Variants in RBPMS2 observed in about 807,000 individuals in gnomAD.
RBPMS2 encodes the protein RNA-binding protein with multiple splicing 2.
Under a neutral mutation model 25.7 loss-of-function variants are expected in RBPMS2, and 14 were observed. That is an observed-to-expected ratio of 0.55 (90% CI 0.36 to 0.85). The LOEUF (loss-of-function observed/expected upper bound fraction) is 0.85, where lower values mean the gene tolerates loss of function less well. Ranked by LOEUF, RBPMS2 falls within the 40% of genes least tolerant of loss-of-function variation. The pLI is 0.01. For missense variants in RBPMS2, 252 were observed against 283.4 expected, an observed-to-expected ratio of 0.89 and a Z score of 0.80; for synonymous variants, 127 against 115.6, an observed-to-expected ratio of 1.10 and a Z score of -0.63.
chr15:64,774,568 C>T (rs2083914380), intron 1 of RBPMS2, among the ~76,000 whole-genome samples: 2 of 152,100 alleles, frequency 1.3e-5, no homozygotes, highest in African/African-American at 2.4e-5. Flanking sequence ...GGGGTCCTGG[C>T]TTGGTTGCCA....
At chr15:64,758,229 C>T (rs2083751851) in intron 1 of RBPMS2, among the ~76,000 whole-genome samples, 1 of 152,196 alleles carries the variant, frequency 6.6e-6, no homozygotes, top group South Asian at 2.1e-4. Flanking sequence ...TACTCTCATC[C>T]CTTCTGCAGA....
At chr15:64,745,412 T>C (rs2083609332) in intron 6 of RBPMS2, among the ~76,000 whole-genome samples, 1 of 152,170 alleles carries the variant, frequency 6.6e-6, no homozygotes, top group African/African-American at 2.4e-5. Flanking sequence ...ACAAAAACCC[T>C]ATGAAGTAGA....
intron 6 of RBPMS2, among the ~76,000 whole-genome samples, chr15:64,747,168 C>G (rs559151275): frequency 8.5e-5 from 13 of 152,142 alleles, no homozygotes; most frequent in Non-Finnish European, 1.6e-4. Context: ...CTCAGTACAA[C>G]TGAACGTTGC....
At chr15:64,741,332 A>G in intron 6 of RBPMS2, 90 bp from the exon 7 acceptor site, 1 of 1,006,030 alleles carries the variant, frequency 9.9e-7, no homozygotes, top group East Asian at 2.6e-5. Flanking sequence ...TCCCCGCTGG[A>G]GTCCTGGTTC....
chr15:64,749,045 T>A lies in RBPMS2; in HGVS notation c.373A>T (p.Asn125Tyr). Residue 125 changes from asparagine to tyrosine, a missense_variant, in exon 5 of 8, where the codon AAC becomes TAC. Physicochemically the swap from Asn to Tyr is moderately radical, Grantham distance 143 (BLOSUM62 -2). Transcript: ENST00000300069. ...TGTGCTCCTAGGGCGGGGTGCACGT[T>A]GCTGGGATTTGGAGTTGCCATTAGC... Reference protein sequence around the residue: ...SKLMATPNPSNVHPALGAHFI... With the variant: ...SKLMATPNPSYVHPALGAHFI... 1 of 1,614,202 alleles carries A rather than the reference T, an allele frequency of 6.2e-7. No homozygotes were observed. Among genetic ancestry groups the A allele is most frequent in the East Asian group, 2.2e-5 (1 of 44,884 alleles).
intron 4 of RBPMS2, 100 bp from the exon 5 acceptor site, chr15:64,749,250 A>G: frequency 6.9e-7 from 1 of 1,450,052 alleles, no homozygotes; most frequent in Non-Finnish European, 9.6e-7. Flanking sequence ...CTCGCCTCGA[A>G]GACCTGCCCA....
intron 1 of RBPMS2, chr15:64,762,317 G>A (rs2083796749): frequency 3.9e-6 from 2 of 516,116 alleles, no homozygotes; most frequent in Non-Finnish European, 7.9e-6. Context: ...ACAGCTGAGT[G>A]TGAGTGGCCT....
intron 1 of RBPMS2, among the ~76,000 whole-genome samples, chr15:64,757,675 T>C (rs1017018477): frequency 2.0e-5 from 3 of 152,148 alleles, no homozygotes; most frequent in Non-Finnish European, 4.4e-5. Flanking sequence ...TGCAGTTACT[T>C]CTCCAAGGTC....
chr15:64,766,604 C>A (rs1055943725), intron 1 of RBPMS2, among the ~76,000 whole-genome samples: 23 of 151,864 alleles, frequency 1.5e-4, no homozygotes, highest in African/African-American at 9.7e-5. Flanking sequence ...CAGCTCACTG[C>A]AAGCTCTGCC....
At chr15:64,748,814 C>T (rs539420356) in intron 5 of RBPMS2, among the ~76,000 whole-genome samples, 186 bp downstream of exon 5, 1 of 152,298 alleles carries the variant, frequency 6.6e-6, no homozygotes, top group Non-Finnish European at 1.5e-5. Context: ...TGCAGGGAAG[C>T]TGGAAGCCCT....
chr15:64,766,512 G>T (rs2083847439), intron 1 of RBPMS2, among the ~76,000 whole-genome samples: 1 of 151,376 alleles, frequency 6.6e-6, no homozygotes, highest in African/African-American at 2.4e-5. Flanking sequence ...GCTGCCCACA[G>T]TTCTGACTTA....
chr15:64,759,829 T>C (rs1208924108), intron 1 of RBPMS2, among the ~76,000 whole-genome samples: 5 of 152,150 alleles, frequency 3.3e-5, no homozygotes, highest in Non-Finnish European at 7.4e-5. Context: ...CGCGCCACCA[T>C]GCCCGGCTAA....
rs1377148354 is a variant in RBPMS2 at position 64,750,379 on chromosome 15, C to A, written c.168G>T (p.Gly56=). The A allele has an allele frequency of 3.1e-6, 5 of 1,613,726 alleles. No individual in the cohort carries two copies. Among genetic ancestry groups the A allele is most frequent in the Admixed American group, 1.7e-5 (1 of 60,016 alleles). Residue 56 remains glycine, a splice_region_variant and synonymous_variant, in exon 3 of 8, where the codon GGG becomes GGT. Coordinates refer to ENST00000300069, the MANE Select transcript of RBPMS2 (RefSeq NM_194272.3). ...ELYLLFRPFK[G]YEGSLIKLTA... Reference sequence around the variant, plus strand: ...TGAGCTTGATCAGGGACCCTTCATACCCCTGCGGAGAGAGGTGGCTGTTAC... The same window carrying A: ...TGAGCTTGATCAGGGACCCTTCATAACCCTGCGGAGAGAGGTGGCTGTTAC...
At chr15:64,769,231 G>A (rs1247917838) in intron 1 of RBPMS2, among the ~76,000 whole-genome samples, 6 of 151,136 alleles carry the variant, frequency 4.0e-5, no homozygotes, top group African/African-American at 7.3e-5. Flanking sequence ...GGGAGGCCGA[G>A]GCCTCCCAAC....
Position 64,775,268 on chromosome 15 carries a change from AGCCGGT to A in RBPMS2, c.46_51del (p.Thr16_Gly17del). The A allele has an allele frequency of 1.0e-5, 14 of 1,340,408 alleles. No homozygotes were observed. Among genetic ancestry groups the A allele is most frequent in the Non-Finnish European group, 1.3e-5 (14 of 1,039,124 alleles). The allele number at this position is 1,340,408 out of a possible 1,614,324, so 83.0% of individuals were successfully genotyped here. A position where few individuals can be genotyped will look rare whatever the true frequency, so the allele number is the denominator to read the frequency against. Reference sequence around the variant, plus strand: ...AGGGCGCCGCCGGAGCCCGCGCCGGAGCCGGTGCCGGTGCTGCCGCCGTGCTCGCCG... The same window carrying A: ...AGGGCGCCGCCGGAGCCCGCGCCGGAGCCGGTGCTGCCGCCGTGCTCGCCG... On this transcript the variant is annotated inframe_deletion, in exon 1 of 8. Transcript: ENST00000300069.
At chr15:64,743,788 A>G (rs931157612) in intron 6 of RBPMS2, among the ~76,000 whole-genome samples, 6 of 152,228 alleles carry the variant, frequency 3.9e-5, no homozygotes, top group Non-Finnish European at 8.8e-5. Context: ...CCAGAAAGCA[A>G]GCAACGGGAT....
At chr15:64,761,171 A>ACC (rs983715132) in intron 1 of RBPMS2, 1 of 152,054 alleles carries the variant, frequency 6.6e-6, no homozygotes, top group African/African-American at 2.4e-5. Flanking sequence ...GCAGTCCCCT[A>ACC]CCCACTGCTT....
intron 1 of RBPMS2, 80 bp downstream of exon 1, chr15:64,775,153 G>A (rs1185000897): frequency 1.4e-5 from 11 of 798,632 alleles, no homozygotes; most frequent in Non-Finnish European, 1.6e-5. Flanking sequence ...GCCCCGCGAG[G>A]CGCGGCAGGC....
At chr15:64,763,987 G>A (rs2141073575) in intron 1 of RBPMS2, among the ~76,000 whole-genome samples, 1 of 152,142 alleles carries the variant, frequency 6.6e-6, no homozygotes, top group Admixed American at 6.5e-5. Context: ...CCTGTTGTGT[G>A]CACTTGACCT....
Sources: allele counts gnomAD v4.1 joint callset (sites outside exome capture counted in the v4.1 genomes callset), GRCh38; gene constraint gnomAD v4.1.1; transcripts MANE v1.5; gene names NCBI Gene and HGNC (gene_info 2026-07-23, HGNC 2026-07-21).